Variants in ACTR3C observed in about 807,000 individuals in gnomAD.
The protein encoded by ACTR3C is actin related protein 3C.
ACTR3C carries 18 observed loss-of-function variants against 26.3 expected under a neutral mutation model. That is an observed-to-expected ratio of 0.68 (90% CI 0.47 to 1.01). ACTR3C has a LOEUF of 1.01. ACTR3C is among the 50% of genes least tolerant of loss of function. The pLI, the probability that ACTR3C is intolerant of heterozygous loss-of-function variation, is 0.00. For missense variants in ACTR3C, 184 were observed against 250.7 expected (o/e 0.73, Z 1.80); for synonymous variants, 55 against 94.5 (o/e 0.58, Z 2.42).
chr7:150,110,393 G>A, the ACTR3C span, among the ~76,000 whole-genome samples: 5 of 149,746 alleles, frequency 3.3e-5, no homozygotes, highest in African/African-American at 1.2e-4. Flanking sequence ...GAACCCATGT[G>A]GGTGGCAGGG....
chr7:150,253,164 C>T (rs1832969033), intron 6 of ACTR3C, among the ~76,000 whole-genome samples: 2 of 152,114 alleles, frequency 1.3e-5, no homozygotes, highest in South Asian at 4.2e-4. Flanking sequence ...GCGGGCCCAA[C>T]AGCACCCTTG....
At chr7:150,026,308 AGCATGCAT>A in the ACTR3C span, among the ~76,000 whole-genome samples, 1 of 152,082 alleles carries the variant, frequency 6.6e-6, no homozygotes, top group Non-Finnish European at 1.5e-5. Flanking sequence ...CAAATAAAAT[AGCATGCAT>A]GCACATACAT....
chr7:149,979,579 AC>A, the ACTR3C span, among the ~76,000 whole-genome samples: 4 of 152,246 alleles, frequency 2.6e-5, no homozygotes, highest in South Asian at 6.2e-4. Context: ...AGTGTCTTGT[AC>A]CTTGATCTTT....
chr7:149,925,814 C>A, the ACTR3C span, among the ~76,000 whole-genome samples: 1 of 152,026 alleles, frequency 6.6e-6, no homozygotes, highest in Non-Finnish European at 1.5e-5. Context: ...ATAATCCCAG[C>A]ACTTTGGGAG....
chr7:150,124,756 C>T, the ACTR3C span, among the ~76,000 whole-genome samples: 1 of 152,174 alleles, frequency 6.6e-6, no homozygotes, highest in African/African-American at 2.4e-5. Context: ...AGACCTCACA[C>T]ACTGCAGGTA....
the ACTR3C span, among the ~76,000 whole-genome samples, chr7:150,123,491 C>T: frequency 6.6e-6 from 1 of 151,974 alleles, no homozygotes; most frequent in African/African-American, 2.4e-5. Context: ...TAGCAACTTC[C>T]CAGCCTGGGA....
the ACTR3C span, among the ~76,000 whole-genome samples, chr7:150,039,432 GGGTGCCTCCCCCCCTGC>G: frequency 1.3e-5 from 1 of 74,598 alleles, no homozygotes; most frequent in South Asian, 4.7e-4. Flanking sequence ...TGCCTCGCGG[GGGTGCCTCCCCCCCTGC>G]GATGGGGGTA....
intron 5 of ACTR3C, among the ~76,000 whole-genome samples, chr7:150,285,576 G>C (rs1280559383): frequency 6.6e-6 from 1 of 152,162 alleles, no homozygotes; most frequent in Non-Finnish European, 1.5e-5. Flanking sequence ...TTAAAAGTGA[G>C]CATTCACTAG....
chr7:150,004,588 A>C, the ACTR3C span: 1 of 152,190 alleles, frequency 6.6e-6, no homozygotes, highest in Admixed American at 6.5e-5. Flanking sequence ...TTACTTGTTC[A>C]TTTCAAAGGA....
chr7:150,293,043 A>T (rs1225398222), intron 3 of ACTR3C, among the ~76,000 whole-genome samples: 1 of 152,042 alleles, frequency 6.6e-6, no homozygotes, highest in Non-Finnish European at 1.5e-5. Flanking sequence ...ACATTCTCTG[A>T]CATTCTGACT....
chr7:150,168,703 T>G, the ACTR3C span, among the ~76,000 whole-genome samples: 1 of 150,540 alleles, frequency 6.6e-6, no homozygotes, highest in Non-Finnish European at 1.5e-5. Context: ...TACTTAGGCG[T>G]CCTCCACATC....
chr7:149,901,649 T>C, the ACTR3C span, among the ~76,000 whole-genome samples: 138,933 of 152,092 alleles, frequency 0.91, 64,593 homozygotes, highest in East Asian at 1. Flanking sequence ...GCCGGCACAG[T>C]GGCTCACGCC....
At chr7:150,117,258 C>G in the ACTR3C span, among the ~76,000 whole-genome samples, 1 of 152,216 alleles carries the variant, frequency 6.6e-6, no homozygotes, top group African/African-American at 2.4e-5. Flanking sequence ...GGAAAGGAGG[C>G]TGAGGCCAGG....
chr7:150,000,147 T>C, the ACTR3C span, among the ~76,000 whole-genome samples: 2 of 152,146 alleles, frequency 1.3e-5, no homozygotes, highest in Non-Finnish European at 1.5e-5. Flanking sequence ...CTTAATGTTG[T>C]AATATAGAGA....
At chr7:149,896,658 A>G in the ACTR3C span, among the ~76,000 whole-genome samples, 2 of 151,904 alleles carry the variant, frequency 1.3e-5, no homozygotes, top group South Asian at 4.1e-4. Context: ...AAGTATATAC[A>G]TAACAACACT....
chr7:149,914,044 C>G, the ACTR3C span, among the ~76,000 whole-genome samples: 1 of 151,812 alleles, frequency 6.6e-6, no homozygotes, highest in Non-Finnish European at 1.5e-5. Context: ...TGCCATCACA[C>G]CCGGCTAAGT....
At chr7:150,310,612 T>C (rs146877189) in intron 1 of ACTR3C, among the ~76,000 whole-genome samples, 3,825 of 152,156 alleles carry the variant, frequency 0.025, 85 homozygotes, top group Non-Finnish European at 0.041. Context: ...ATGCCTTCTT[T>C]ACCATCCCCT....
chr7:150,102,520 A>C, the ACTR3C span, among the ~76,000 whole-genome samples: 2 of 151,974 alleles, frequency 1.3e-5, no homozygotes, highest in Non-Finnish European at 2.9e-5. Context: ...GTCTTTGTGA[A>C]GCTGAACTTG....
the ACTR3C span, among the ~76,000 whole-genome samples, chr7:150,024,196 T>A: frequency 1.3e-5 from 2 of 151,664 alleles, no homozygotes; most frequent in Middle Eastern, 3.2e-3. Context: ...TACATTTAAA[T>A]TCTTTCTTTT....
Sources: allele counts gnomAD v4.1 joint callset (sites outside exome capture counted in the v4.1 genomes callset), GRCh38; gene constraint gnomAD v4.1.1; transcripts MANE v1.5; gene names NCBI Gene and HGNC (gene_info 2026-07-23, HGNC 2026-07-21).